Variants in BPTF observed in about 807,000 individuals in gnomAD.
The protein encoded by BPTF is nucleosome-remodeling factor subunit BPTF.
A neutral mutation model predicts 292.5 loss-of-function variants in BPTF; 18 were observed. The observed-to-expected ratio is 0.06, with a 90% CI of 0.04 to 0.09. BPTF has a LOEUF of 0.09. BPTF is among the 10% of genes least tolerant of loss of function. The probability of loss-of-function intolerance (pLI) is 1.00; values close to 1 mark genes in which losing one functional copy is unlikely to be tolerated. For missense variants in BPTF, 2,726 were observed against 3,498.7 expected (o/e 0.78, Z 5.57); for synonymous variants, 1,225 against 1,251.9 (o/e 0.98, Z 0.45).
intron 24 of BPTF, 56 bp from the exon 25 acceptor site, chr17:67,964,156 A>G (rs1555685458): frequency 5.2e-6 from 8 of 1,532,758 alleles, no homozygotes; most frequent in East Asian, 2.3e-5. Flanking sequence ...ATGCTTTATT[A>G]TAAGTAACAT....
Position 67,855,294 on chromosome 17 carries a change from C to G in BPTF, c.1436+532C>G, listed in dbSNP as rs1038558326. On this transcript the variant is annotated intron_variant, in intron 2 of 27. Transcript: ENST00000306378. ...CCAGCCTGGGTGACAGAGACAGATT[C>G]TGTCTCAAAAATAAATAAATAAACA... 5.9e-5 allele frequency among the ~76,000 whole-genome samples: 9 copies of G among 152,134 alleles called. No homozygotes were observed. In the South Asian group the frequency reaches 1.2e-3, roughly 21 times the overall value.
At chr17:67,917,994 G>C (rs934439482) in intron 11 of BPTF, among the ~76,000 whole-genome samples, 6 of 152,034 alleles carry the variant, frequency 3.9e-5, no homozygotes, top group African/African-American at 1.4e-4. Context: ...TGTATTTTTA[G>C]TAGAGATGGG....
chr17:67,917,717 C>G (rs2063140875), intron 11 of BPTF, among the ~76,000 whole-genome samples: 1 of 152,090 alleles, frequency 6.6e-6, no homozygotes, highest in Non-Finnish European at 1.5e-5. Context: ...ACTGCAGCCT[C>G]TGCCTCCTGG....
chr17:67,947,697 T>A (rs1327698151), intron 21 of BPTF, 29 bp from the exon 22 acceptor site: 1 of 1,524,722 alleles, frequency 6.6e-7, no homozygotes, highest in Non-Finnish European at 8.9e-7. Context: ...TTATAAAATA[T>A]GCGCTTTTGG....
chr17:67,976,707 A>AT (rs1555694111), intron 27 of BPTF, among the ~76,000 whole-genome samples: 2 of 140,546 alleles, frequency 1.4e-5, no homozygotes, highest in Non-Finnish European at 3.1e-5. Flanking sequence ...AAAAAAAAAA[A>AT]AAAAAAAATA....
chr17:67,843,620 AT>A (rs990949370), intron 1 of BPTF, among the ~76,000 whole-genome samples: 4 of 149,732 alleles, frequency 2.7e-5, no homozygotes, highest in African/African-American at 9.8e-5. Flanking sequence ...ATATCTGTAT[AT>A]ATCTAGATAT....
intron 1 of BPTF, among the ~76,000 whole-genome samples, chr17:67,837,689 C>G (rs2057242130): frequency 6.6e-6 from 1 of 152,184 alleles, no homozygotes; most frequent in African/African-American, 2.4e-5. Context: ...GGATTACAGG[C>G]GTGAGCCACC....
chr17:67,928,614 C>G lies in BPTF; in HGVS notation c.5998+13C>G, dbSNP rs754993447. On this transcript the variant is annotated intron_variant, in intron 16 of 27. Transcript: ENST00000306378. ...CAGTCAAATTCAGGTATGGAACTATCATTAAGTAAAAGATTACTTTGGTTC... is the reference window on the plus strand; with the variant it reads ...CAGTCAAATTCAGGTATGGAACTATGATTAAGTAAAAGATTACTTTGGTTC... 9 of 1,582,866 alleles carry G rather than the reference C, an allele frequency of 5.7e-6. No individual in the cohort carries two copies. Among genetic ancestry groups the G allele is most frequent in the Non-Finnish European group, 7.7e-6 (9 of 1,161,982 alleles).
chr17:67,970,251 A>T (rs531191975), intron 26 of BPTF, among the ~76,000 whole-genome samples: 12 of 151,724 alleles, frequency 7.9e-5, no homozygotes, highest in African/African-American at 2.7e-4. Context: ...AAAAAAAAAA[A>T]TTTAGCCAGG....
chr17:67,975,651 A>G, intron 26 of BPTF, 121 bp from the exon 27 acceptor site: 1 of 794,812 alleles, frequency 1.3e-6, no homozygotes, highest in Non-Finnish European at 1.9e-6. Context: ...CTCCAGGGTG[A>G]ACCAGCCTGG....
At chr17:67,925,206 G>C (rs771352923) in intron 15 of BPTF, among the ~76,000 whole-genome samples, 1 of 152,008 alleles carries the variant, frequency 6.6e-6, no homozygotes, top group Non-Finnish European at 1.5e-5. Context: ...ATTATCTTTA[G>C]AGTTTCATAA....
chr17:67,953,961 C>CTTTTTTTTT (rs869063412), intron 23 of BPTF, among the ~76,000 whole-genome samples: 13 of 65,640 alleles, frequency 2.0e-4, no homozygotes, highest in African/African-American at 8.7e-4. Context: ...CTTTTCTTTT[C>CTTTTTTTTT]TTTTTTTTTT....
At position 67,964,333 on chromosome 17, in the gene BPTF, G is replaced by A. The variant is rs781834293; in HGVS notation, c.8383G>A (p.Ala2795Thr). 1 of 1,614,190 alleles carries A rather than the reference G, an allele frequency of 6.2e-7. No homozygotes were observed. The highest frequency in any genetic ancestry group is 8.5e-7 in the Non-Finnish European group (1 of 1,180,032). ...TCCACAGTGCCAGTCAACAGAGGAT[G>A]CCATGACAGTGCTCACGCCACTAAC... is the stretch of plus-strand genomic sequence containing the variant. ...VCPQCQSTED[A>T]MTVLTPLTEK... Residue 2795 changes from alanine to threonine, a missense_variant, in exon 25 of 28, where the codon GCC becomes ACC. Around this residue, in one of 22 missense-constraint regions of BPTF, gnomAD observed 48 missense variants for 114.2 expected, o/e 0.42. Transcript: ENST00000306378.
intron 18 of BPTF, among the ~76,000 whole-genome samples, chr17:67,938,239 T>C (rs2065083625): frequency 6.6e-6 from 1 of 152,216 alleles, no homozygotes; most frequent in African/African-American, 2.4e-5. Context: ...TATCTGTCTC[T>C]GCTTATGATG....
At chr17:67,925,718 A>G (rs4790981) in intron 15 of BPTF, among the ~76,000 whole-genome samples, 50,235 of 149,970 alleles carry the variant, frequency 0.33, 9,858 homozygotes, top group East Asian at 0.66. Context: ...TTTAAAAATC[A>G]TATATAAACC....
At chr17:67,913,283 TAAGAC>T (rs2062770127) in intron 11 of BPTF, 96 bp downstream of exon 11, 3 of 1,457,608 alleles carry the variant, frequency 2.1e-6, no homozygotes, top group Non-Finnish European at 2.7e-6. Flanking sequence ...ATAATAGAGA[TAAGAC>T]AGGAAACATA....
At chr17:67,870,675 G>A (rs962603073) in intron 3 of BPTF, among the ~76,000 whole-genome samples, 2 of 150,880 alleles carry the variant, frequency 1.3e-5, no homozygotes. Context: ...TAATAGCCAA[G>A]AATAATTTAC....
Position 67,909,780 on chromosome 17 carries a change from G to T in BPTF, c.2992+19G>T. On this transcript the variant is annotated intron_variant, in intron 10 of 27. Transcript: ENST00000306378. ...GACCAAGGTAAGGAGAGTCAGCTGTGGAGGGCAGCCTGGGGGTGATAAGAA... is the reference window on the plus strand; with the variant it reads ...GACCAAGGTAAGGAGAGTCAGCTGTTGAGGGCAGCCTGGGGGTGATAAGAA... The T allele has an allele frequency of 6.6e-7, 1 of 1,520,038 alleles. No homozygotes were observed. Among genetic ancestry groups the T allele is most frequent in the Non-Finnish European group, 8.8e-7 (1 of 1,136,026 alleles). 94.2% of individuals were successfully genotyped at this position (1,520,038 alleles called of 1,614,324 possible).
intron 4 of BPTF, among the ~76,000 whole-genome samples, chr17:67,878,689 TG>T (rs1416107678): frequency 2.6e-5 from 4 of 152,082 alleles, no homozygotes; most frequent in Non-Finnish European, 5.9e-5. Flanking sequence ...TTCGTGTGTG[TG>T]TGTGTGTGTG....
Sources: gnomAD v4.1 joint callset for allele counts (sites outside exome capture counted in the v4.1 genomes callset) on GRCh38, gnomAD v4.1.1 for gene constraint, gnomAD v4.1.1 regional missense constraint, MANE v1.5 for transcripts, NCBI Gene and HGNC (gene_info 2026-07-23, HGNC 2026-07-21) for gene names.